The following IQCB1 variants were observed in gnomAD, a reference collection of about 807,000 sequenced individuals.
The protein encoded by IQCB1 is IQ calmodulin-binding motif-containing protein 1.
Under a neutral mutation model 84.4 loss-of-function variants are expected in IQCB1, and 56 were observed. The observed-to-expected ratio is 0.66, with a 90% CI of 0.54 to 0.83. The LOEUF is 0.83. IQCB1 is among the 40% of genes least tolerant of loss of function. The probability of loss-of-function intolerance (pLI) is 0.00; values close to 1 mark genes in which losing one functional copy is unlikely to be tolerated. For synonymous variants in IQCB1, 210 were observed against 234.8 expected (o/e 0.89, Z 0.96); for missense variants, 629 against 682.1 (o/e 0.92, Z 0.87).
In IQCB1 at chr3:121,790,104, C is replaced by A; in HGVS notation, c.1098G>T (p.Leu366Phe). The A allele has an allele frequency of 6.2e-7, 1 of 1,613,694 alleles. No individual in the cohort carries two copies. The highest frequency in any genetic ancestry group is 8.5e-7 in the Non-Finnish European group (1 of 1,179,662). ...RQRAMRLSRE[L>F]QLSMLEIVHP... ...GAACTATTTCGAGCATACTCAGCTG[C>A]AATTCTCGGGAAAGTCTCATGGCTC... Residue 366 changes from leucine to phenylalanine, a missense_variant, in exon 11 of 15, where the codon TTG becomes TTT. Leu to Phe is a conservative substitution (Grantham distance 22). Transcript: ENST00000310864.
rs1281093830 is a variant in IQCB1 at position 121,792,789 on chromosome 3, A to AT, written c.987-2575dup. Among the ~76,000 whole-genome samples the AT allele has an allele frequency of 2.0e-5, 3 of 152,046 alleles. No individual in the cohort carries two copies. The East Asian group carries it at 5.8e-4, about 29-fold the overall frequency. The stretch of plus-strand genomic sequence containing the variant: ...AAAACATTTATTAGGAACTGAAGTG[A>AT]TTTTGAATGTAATTCCCCCATTTAT... On this transcript the variant is annotated intron_variant, in intron 10 of 14. Coordinates refer to ENST00000310864, the MANE Select transcript of IQCB1 (RefSeq NM_001023570.4).
chr3:121,809,818 C>T (rs1019393961), intron 5 of IQCB1, among the ~76,000 whole-genome samples: 3 of 151,554 alleles, frequency 2.0e-5, no homozygotes, highest in African/African-American at 4.8e-5. Context: ...TACTATAGCA[C>T]AAAAGTAATG....
chr3:121,829,400 C>T (rs573855141), intron 2 of IQCB1, among the ~76,000 whole-genome samples: 14 of 152,348 alleles, frequency 9.2e-5, no homozygotes, highest in African/African-American at 2.6e-4. Context: ...TGACTGGCAT[C>T]TAGAACTTAG....
At chr3:121,786,372 C>T (rs1451354072) in intron 12 of IQCB1, among the ~76,000 whole-genome samples, 1 of 150,552 alleles carries the variant, frequency 6.6e-6, no homozygotes, top group Non-Finnish European at 1.5e-5. Flanking sequence ...TGGTTCATGC[C>T]TATAATCTCA....
At chr3:121,820,315 T>C (rs1027466023) in intron 5 of IQCB1, among the ~76,000 whole-genome samples, 1 of 152,270 alleles carries the variant, frequency 6.6e-6, no homozygotes, top group African/African-American at 2.4e-5. Context: ...AAATTAAAAA[T>C]GGCCTCAACT....
intron 13 of IQCB1, 77 bp downstream of exon 13, chr3:121,781,666 A>ATC: frequency 9.0e-7 from 1 of 1,115,876 alleles, no homozygotes; most frequent in Non-Finnish European, 1.3e-6. Flanking sequence ...CACACACAAT[A>ATC]TATGTGTGTG....
intron 4 of IQCB1, among the ~76,000 whole-genome samples, chr3:121,828,020 G>A (rs1425877593): frequency 3.3e-5 from 5 of 152,176 alleles, no homozygotes; most frequent in African/African-American, 1.2e-4. Flanking sequence ...TTGATATAGT[G>A]AAATAAAATG....
chr3:121,826,594 C>T (rs1950473770), intron 4 of IQCB1, among the ~76,000 whole-genome samples: 1 of 152,086 alleles, frequency 6.6e-6, no homozygotes, highest in Non-Finnish European at 1.5e-5. Context: ...GATTTGTTTG[C>T]AAGGGATACA....
intron 4 of IQCB1, 84 bp downstream of exon 4, chr3:121,828,386 G>C (rs1014131205): frequency 3.3e-6 from 4 of 1,194,450 alleles, no homozygotes; most frequent in African/African-American, 1.5e-5. Flanking sequence ...ATGCTTGTTA[G>C]GCAGATAAAT....
intron 10 of IQCB1, among the ~76,000 whole-genome samples, chr3:121,792,122 T>C (rs6782730): frequency 0.015 from 2,276 of 152,288 alleles, 59 homozygotes; most frequent in African/African-American, 0.051. Flanking sequence ...CCTCTGTTTC[T>C]AACTTCTAAT....
At chr3:121,770,725 T>A in intron 14 of IQCB1, 151 bp from the exon 15 acceptor site, 1 of 706,182 alleles carries the variant, frequency 1.4e-6, no homozygotes, top group Non-Finnish European at 2.5e-6. Flanking sequence ...CTCTATTGCC[T>A]AAGCTGGAGT....
chr3:121,786,170 C>CAAGAAAGAAAAGAAAAG lies in IQCB1; in HGVS notation c.1278+2113_1278+2114insCTTTTCTTTTCTTTCTT. On this transcript the variant is annotated intron_variant, in intron 12 of 14. Transcript: ENST00000310864. ...TGGGAGACAGAGAGAGATTCTGTCT[C>CAAGAAAGAAAAGAAAAG]AAAAGAAAAGAAAAGAAAAGAAAAG... Among the ~76,000 whole-genome samples the CAAGAAAGAAAAGAAAAG allele has an allele frequency of 2.7e-5, 2 of 72,848 alleles. 1 individual carries two copies. The highest frequency in any genetic ancestry group is 1.3e-4 in the African/African-American group (2 of 15,410). 47.8% of individuals were successfully genotyped at this position (72,848 alleles called of 152,430 possible).
chr3:121,778,476 T>C (rs1247015920), intron 13 of IQCB1, among the ~76,000 whole-genome samples: 3 of 152,162 alleles, frequency 2.0e-5, no homozygotes, highest in Non-Finnish European at 4.4e-5. Context: ...TTAACATTTT[T>C]GGTAGTGCAA....
chr3:121,813,139 T>G (rs190150685), intron 5 of IQCB1, among the ~76,000 whole-genome samples: 85 of 152,280 alleles, frequency 5.6e-4, no homozygotes, highest in Non-Finnish European at 2.9e-4. Context: ...AAAATAATTT[T>G]CAACCTAGAA....
chr3:121,829,619 C>T (rs1950564510), intron 2 of IQCB1, among the ~76,000 whole-genome samples: 1 of 152,200 alleles, frequency 6.6e-6, no homozygotes, highest in Non-Finnish European at 1.5e-5. Flanking sequence ...TCTAGTTGAG[C>T]TTCCTTGGTA....
At chr3:121,806,186 T>C (rs1278108884) in intron 7 of IQCB1, among the ~76,000 whole-genome samples, 1 of 152,164 alleles carries the variant, frequency 6.6e-6, no homozygotes, top group African/African-American at 2.4e-5. Flanking sequence ...TTTTAATTCA[T>C]TATTTTAAAA....
upstream of IQCB1, chr3:121,835,060 CG>C: frequency 1.7e-6 from 1 of 576,332 alleles, no homozygotes; most frequent in Non-Finnish European, 3.1e-6. Flanking sequence ...CGTCGCGACG[CG>C]GGAAGGGGCC....
Position 121,799,326 on chromosome 3 carries a change from A to G in IQCB1, c.636T>C (p.Asp212=). Residue 212 remains aspartate (D), a synonymous_variant, in exon 8 of 15, where the codon GAT becomes GAC. Transcript: ENST00000310864. Reference sequence around the variant, plus strand: ...TTGAAAAAAGCTTGAAAATAACTTCATCTAAAATTGAATACAGGGCTTTTC... The same window carrying G: ...TTGAAAAAAGCTTGAAAATAACTTCGTCTAAAATTGAATACAGGGCTTTTC... ...IGRKALYSIL[D]EVIFKLFSTP... is the part of the protein sequence containing the mutation. 3 of 1,603,342 alleles carry G rather than the reference A, an allele frequency of 1.9e-6. No individual in the cohort carries two copies. The highest frequency in any genetic ancestry group is 2.6e-6 in the Non-Finnish European group (3 of 1,171,436).
chr3:121,794,820 T>G (rs1271944687), intron 10 of IQCB1, among the ~76,000 whole-genome samples: 1 of 152,116 alleles, frequency 6.6e-6, no homozygotes, highest in Non-Finnish European at 1.5e-5. Flanking sequence ...AAATGCCAGT[T>G]TCATTTTAGC....
Sources: allele counts gnomAD v4.1 joint callset (sites outside exome capture counted in the v4.1 genomes callset), GRCh38; gene constraint gnomAD v4.1.1; transcripts MANE v1.5; gene names NCBI Gene and HGNC (gene_info 2026-07-23, HGNC 2026-07-21).